Variants in ZPLD1 observed in about 807,000 individuals in gnomAD.
ZPLD1 encodes zona pellucida-like domain-containing protein 1.
A neutral mutation model predicts 47.2 loss-of-function variants in ZPLD1; 34 were observed. The observed-to-expected ratio is 0.72, with a 90% confidence interval of 0.55 to 0.96. ZPLD1 has a LOEUF of 0.96. Among genes scored for constraint, ZPLD1 ranks in the 40% least tolerant of loss-of-function variants. The pLI is 0.00. For missense variants in ZPLD1, 512 were observed against 505.8 expected, an observed-to-expected ratio of 1.01 and a Z score of -0.12; for synonymous variants, 176 against 186.2, an observed-to-expected ratio of 0.95 and a Z score of 0.45.
intron 7 of ZPLD1, among the ~76,000 whole-genome samples, chr3:102,392,511 TCTTC>T (rs201506485): frequency 0.028 from 4,229 of 150,684 alleles, 161 homozygotes; most frequent in African/African-American, 0.082. Context: ...TTCCTTTCTT[TCTTC>T]CTTCCTTCCT....
intron 3 of ZPLD1, among the ~76,000 whole-genome samples, chr3:102,442,361 CACAG>C (rs981820119): frequency 7.3e-6 from 1 of 137,112 alleles, no homozygotes; most frequent in African/African-American, 3.0e-5. Flanking sequence ...CACACACACA[CACAG>C]TTACAATTTT....
intron 3 of ZPLD1, among the ~76,000 whole-genome samples, chr3:102,438,920 G>A (rs1707132837): frequency 7.3e-6 from 1 of 137,194 alleles, no homozygotes. Flanking sequence ...TTAAAGAACT[G>A]CTCTTAAATG....
At chr3:102,418,856 C>T (rs79944231) in intron 8 of ZPLD1, among the ~76,000 whole-genome samples, 1,650 of 152,062 alleles carry the variant, frequency 0.011, 90 homozygotes, top group Admixed American at 0.079. Flanking sequence ...CTCCCATAAC[C>T]TGGGAGAAGT....
At chr3:102,387,847 A>ATTT (rs1706447642) in intron 6 of ZPLD1, among the ~76,000 whole-genome samples, 1 of 124,858 alleles carries the variant, frequency 8.0e-6, no homozygotes, top group African/African-American at 3.0e-5. Context: ...GTTCTGAGAA[A>ATTT]TTCTTTTTTT....
At chr3:102,404,265 A>G (rs746266513) in intron 7 of ZPLD1, among the ~76,000 whole-genome samples, 3 of 152,010 alleles carry the variant, frequency 2.0e-5, no homozygotes, top group Non-Finnish European at 4.4e-5. Context: ...TAAGAATGCA[A>G]TAAGAGGATA....
Position 102,452,983 on chromosome 3 carries a change from G to A in ZPLD1, c.171G>A (p.Thr57=), listed in dbSNP as rs897682532. The A allele has an allele frequency of 3.1e-6, 5 of 1,613,896 alleles. No individual in the cohort carries two copies. Among genetic ancestry groups the A allele is most frequent in the African/African-American group, 2.7e-5 (2 of 74,868 alleles). ...TTACGATGAAGATTAATTTTTGCAC[G>A]GTACTTTTCTCGGGTTATTCGGAAA... ...QAITMKINFC[T]VLFSGYSETD... is the part of the protein sequence containing the mutation. The change falls in exon 4 of 12, where the codon ACG becomes ACA. Residue 57 remains threonine (T), a synonymous_variant. Transcript: ENST00000466937.
At chr3:102,469,268 A>G in intron 9 of ZPLD1, 133 bp downstream of exon 9, 1 of 967,286 alleles carries the variant, frequency 1.0e-6, no homozygotes, top group Non-Finnish European at 1.5e-6. Context: ...GGATTTATTC[A>G]TTTGTCTAGT....
chr3:102,416,839 C>T (rs16845026), intron 7 of ZPLD1, among the ~76,000 whole-genome samples: 9,066 of 151,952 alleles, frequency 0.06, 924 homozygotes, highest in African/African-American at 0.21. Context: ...GCTGACACTT[C>T]CCTGCAGAAT....
chr3:102,431,738 G>A (rs1207298413), upstream of ZPLD1, among the ~76,000 whole-genome samples: 2 of 152,016 alleles, frequency 1.3e-5, no homozygotes, highest in Non-Finnish European at 2.9e-5. Flanking sequence ...GTGAAACCCC[G>A]TCTCTATTCA....
intron 8 of ZPLD1, among the ~76,000 whole-genome samples, chr3:102,466,186 C>G (rs1707590944): frequency 6.6e-6 from 1 of 152,164 alleles, no homozygotes; most frequent in Non-Finnish European, 1.5e-5. Flanking sequence ...TGGTAGAACC[C>G]TGTGAATATC....
At chr3:102,430,170 A>G (rs771637865), upstream of ZPLD1, among the ~76,000 whole-genome samples, 41 of 152,242 alleles carry the variant, frequency 2.7e-4, no homozygotes, top group Middle Eastern at 3.4e-3. Context: ...TCTTCCAAAA[A>G]AGTTTCACAA....
intron 3 of ZPLD1, among the ~76,000 whole-genome samples, chr3:102,443,917 G>A (rs1331761805): frequency 6.6e-6 from 1 of 152,210 alleles, no homozygotes; most frequent in Non-Finnish European, 1.5e-5. Context: ...AAGTTGTCAA[G>A]AGGATGCCTG....
chr3:102,407,462 T>TATGAGTCC (rs1706703863), intron 7 of ZPLD1, among the ~76,000 whole-genome samples: 1 of 116,906 alleles, frequency 8.6e-6, no homozygotes, highest in South Asian at 3.1e-4. Flanking sequence ...TGCCATCCTT[T>TATGAGTCC]ATGAGTCCAC....
chr3:102,421,787 T>C (rs996566728), intron 8 of ZPLD1, among the ~76,000 whole-genome samples: 26 of 151,742 alleles, frequency 1.7e-4, no homozygotes, highest in Admixed American at 6.6e-5. Context: ...TTACAGAACA[T>C]AAAAATACTA....
intron 7 of ZPLD1, among the ~76,000 whole-genome samples, chr3:102,413,842 A>G (rs1427998753): frequency 6.6e-6 from 1 of 151,880 alleles, no homozygotes; most frequent in Non-Finnish European, 1.5e-5. Context: ...CAGCATATAA[A>G]ATTTGGGTGA....
chr3:102,436,828 C>T (rs1707098048), intron 1 of ZPLD1, 32 bp from the exon 2 acceptor site: 1 of 940,956 alleles, frequency 1.1e-6, no homozygotes, highest in South Asian at 4.9e-5. Flanking sequence ...AATAACTCAC[C>T]AACTTAAATT....
intron 3 of ZPLD1, among the ~76,000 whole-genome samples, chr3:102,441,301 A>C (rs1707174073): frequency 6.6e-6 from 1 of 152,182 alleles, no homozygotes; most frequent in African/African-American, 2.4e-5. Flanking sequence ...TCATGTTAAA[A>C]AGTCTGTTTA....
At chr3:102,422,607 A>G (rs3891857) in intron 8 of ZPLD1, among the ~76,000 whole-genome samples, 72,276 of 151,914 alleles carry the variant, frequency 0.48, 19,545 homozygotes, top group African/African-American at 0.73. Flanking sequence ...AAAGAAGAGC[A>G]TGGGAAGGTT....
intron 7 of ZPLD1, among the ~76,000 whole-genome samples, chr3:102,394,627 T>C (rs1412747408): frequency 6.6e-6 from 1 of 152,166 alleles, no homozygotes; most frequent in South Asian, 2.1e-4. Context: ...GAAGTTATTT[T>C]AAAATGGGGC....
Sources: gnomAD v4.1 joint callset for allele counts (sites outside exome capture counted in the v4.1 genomes callset) on GRCh38, gnomAD v4.1.1 for gene constraint, MANE v1.5 for transcripts, NCBI Gene and HGNC (gene_info 2026-07-23, HGNC 2026-07-21) for gene names.